SBSPON: variants seen among roughly 807,000 people sequenced by gnomAD.
The protein encoded by SBSPON is somatomedin-B and thrombospondin type-1 domain-containing protein.
A neutral mutation model predicts 35.8 loss-of-function variants in SBSPON; 30 were observed. That is an observed-to-expected ratio of 0.84 (90% CI 0.63 to 1.14). The LOEUF (loss-of-function observed/expected upper bound fraction) is 1.14, where lower values mean the gene tolerates loss of function less well. SBSPON is among the 50% of genes most tolerant of loss of function. The probability of loss-of-function intolerance (pLI) is 0.00; values close to 1 mark genes in which losing one functional copy is unlikely to be tolerated. For missense variants in SBSPON, 364 were observed against 357.7 expected, an observed-to-expected ratio of 1.02 and a Z score of -0.14; for synonymous variants, 136 against 135.9, an observed-to-expected ratio of 1.00 and a Z score of 0.00.
At chr8:73,090,238 CA>C (rs1172839497) in intron 1 of SBSPON, among the ~76,000 whole-genome samples, 1 of 152,188 alleles carries the variant, frequency 6.6e-6, no homozygotes, top group Non-Finnish European at 1.5e-5. Flanking sequence ...TCCAAAGTCA[CA>C]AAGCCAAACA....
At chr8:73,073,240 A>G (rs1810530987) in intron 2 of SBSPON, among the ~76,000 whole-genome samples, 2 of 152,164 alleles carry the variant, frequency 1.3e-5, no homozygotes, top group African/African-American at 4.8e-5. Flanking sequence ...CCGTTCCTAT[A>G]CTGAGCCTTG....
Position 73,067,405 on chromosome 8 carries a change from C to CAA in SBSPON, c.729_730dup (p.Trp244PhefsTer8). ...CTGGTCTACTCGCCGAACTTTTTTC[C>CAA]AAGTTCCTTGACACCGAGGATTACC... On this transcript the variant is annotated frameshift_variant, in exon 5 of 5. Coordinates refer to ENST00000297354, the MANE Select transcript of SBSPON (RefSeq NM_153225.4). LOFTEE classifies it high-confidence loss of function. 6.2e-7 allele frequency: 1 copy of CAA among 1,612,304 alleles called. No homozygotes were observed. Among genetic ancestry groups the CAA allele is most frequent in the African/African-American group, 1.3e-5 (1 of 74,656 alleles).
intron 2 of SBSPON, among the ~76,000 whole-genome samples, chr8:73,075,370 C>A (rs912601886): frequency 2.6e-5 from 4 of 152,154 alleles, no homozygotes; most frequent in Non-Finnish European, 5.9e-5. Context: ...TTAATACACC[C>A]CCCCCAAATT....
In SBSPON at chr8:73,067,195, C is replaced by A; in HGVS notation, c.*146G>T. ...AGGACCTGTGTTCCTTGAGAACTGG[C>A]CCCTAAATTTTCTTTCTCTACTTCA... On this transcript the variant is annotated 3_prime_UTR_variant, in exon 5 of 5. Transcript: ENST00000297354. 1 of 536,882 alleles carries A rather than the reference C, an allele frequency of 1.9e-6. No individual in the cohort carries two copies. Among genetic ancestry groups the A allele is most frequent in the South Asian group, 2.7e-5 (1 of 37,434 alleles). 33.3% of individuals were successfully genotyped at this position (536,882 alleles called of 1,614,324 possible).
At chr8:73,073,337 T>G (rs1016541996) in intron 2 of SBSPON, among the ~76,000 whole-genome samples, 1 of 152,226 alleles carries the variant, frequency 6.6e-6, no homozygotes, top group South Asian at 2.1e-4. Flanking sequence ...TATCAACTTA[T>G]GAGACGCCAA....
chr8:73,071,135 G>A (rs929894293), intron 3 of SBSPON, among the ~76,000 whole-genome samples: 3 of 152,142 alleles, frequency 2.0e-5, no homozygotes, highest in African/African-American at 7.2e-5. Context: ...GAGGTTACAG[G>A]TATGAGCAAC....
At chr8:73,079,100 T>G (rs1810648645) in intron 2 of SBSPON, among the ~76,000 whole-genome samples, 1 of 152,146 alleles carries the variant, frequency 6.6e-6, no homozygotes, top group Non-Finnish European at 1.5e-5. Flanking sequence ...CATGCAACTG[T>G]TTTTAAATAG....
chr8:73,072,053 G>A (rs904993849), intron 2 of SBSPON, among the ~76,000 whole-genome samples, 183 bp from the exon 3 acceptor site: 7 of 152,188 alleles, frequency 4.6e-5, no homozygotes, highest in East Asian at 1.9e-4. Context: ...CACACAGATC[G>A]GTAGGGAGGG....
Position 73,069,938 on chromosome 8 carries a change from C to A in SBSPON, c.544G>T (p.Ala182Ser). 6.2e-7 allele frequency: 1 copy of A among 1,610,026 alleles called. No homozygotes were observed. Among genetic ancestry groups the A allele is most frequent in the South Asian group, 1.1e-5 (1 of 90,580 alleles). Reference sequence around the variant, plus strand: ...CTAGTCAAGGGCCAGTTTTCCAGAGCACAGTGAGGAGTCAAGGACTCTGTC... The same window carrying A: ...CTAGTCAAGGGCCAGTTTTCCAGAGAACAGTGAGGAGTCAAGGACTCTGTC... ...FKTESLTPHC[A>S]LENWPLTRWM... The change falls in exon 4 of 5, where the codon GCT becomes TCT. Residue 182 changes from alanine (A) to serine (S), a missense_variant. Coordinates refer to ENST00000297354, the MANE Select transcript of SBSPON (RefSeq NM_153225.4).
intron 1 of SBSPON, chr8:73,085,871 C>T (rs778039277): frequency 7.9e-5 from 12 of 152,188 alleles, no homozygotes; most frequent in Non-Finnish European, 1.8e-4. Flanking sequence ...TGGTTAATCA[C>T]AGAGACTCAA....
chr8:73,080,463 C>T (rs1586095783), intron 2 of SBSPON, among the ~76,000 whole-genome samples: 2 of 151,946 alleles, frequency 1.3e-5, no homozygotes, highest in African/African-American at 4.8e-5. Context: ...TGCAGTGAGC[C>T]GAGATCATGC....
At chr8:73,083,237 G>C (rs963594025) in intron 1 of SBSPON, among the ~76,000 whole-genome samples, 1 of 152,088 alleles carries the variant, frequency 6.6e-6, no homozygotes, top group Non-Finnish European at 1.5e-5. Flanking sequence ...ACTATATCCT[G>C]TTTTTCCAAT....
rs1480985015 is a variant in SBSPON, at chr8:73,093,041, G to C, written c.27C>G (p.Cys9Trp). 3 of 1,379,408 alleles carry C rather than the reference G, an allele frequency of 2.2e-6. No homozygotes were observed. The South Asian group carries it at 5.4e-5, about 25-fold the overall frequency. 85.4% of individuals were successfully genotyped at this position (1,379,408 alleles called of 1,614,324 possible). The change falls in exon 1 of 5, where the codon TGC becomes TGG. Residue 9 changes from cysteine (C) to tryptophan (W), a missense_variant. Transcript: ENST00000297354. The part of the protein sequence containing the change: MRTLWMAL[C>W]ALSRLWPGAQ... ...CCCCGGGCCACAGCCGCGACAGCGC[G>C]CACAGCGCCATCCACAGGGTCCTCA...
chr8:73,075,695 G>T, intron 2 of SBSPON: 1 of 422,976 alleles, frequency 2.4e-6, no homozygotes, highest in Non-Finnish European at 3.2e-6. Context: ...ATTTCATAAC[G>T]CCCTCTGACA....
chr8:73,092,601 G>A (rs962125835), intron 1 of SBSPON, among the ~76,000 whole-genome samples: 2 of 152,234 alleles, frequency 1.3e-5, no homozygotes, highest in South Asian at 2.1e-4. Context: ...GGAGAACAGC[G>A]GGATCCAGCC....
chr8:73,071,345 A>G (rs1456739997), intron 3 of SBSPON, among the ~76,000 whole-genome samples: 1 of 152,194 alleles, frequency 6.6e-6, no homozygotes, highest in Non-Finnish European at 1.5e-5. Context: ...TGACAGCAGA[A>G]GAATGGATTT....
intron 1 of SBSPON, 59 bp downstream of exon 1, chr8:73,092,795 C>T: frequency 7.3e-7 from 1 of 1,364,200 alleles, no homozygotes; most frequent in Admixed American, 1.8e-5. Context: ...AGCGCCCTGC[C>T]CTGTGCCCGT....
chr8:73,073,609 C>T (rs190430373), intron 2 of SBSPON, among the ~76,000 whole-genome samples: 7 of 152,194 alleles, frequency 4.6e-5, no homozygotes, highest in Middle Eastern at 3.4e-3. Flanking sequence ...AGATCAAGAC[C>T]AGCCTGGCCA....
In SBSPON at chr8:73,069,922, G is replaced by A. The variant is rs751786710; in HGVS notation, c.560C>T (p.Pro187Leu). Residue 187 changes from proline to leucine, a missense_variant, in exon 4 of 5, where the codon CCC (proline) becomes CTC (leucine). Coordinates refer to ENST00000297354, the MANE Select transcript of SBSPON (RefSeq NM_153225.4). Reference sequence around the variant, plus strand: ...GAGATACTGCATCCATCTAGTCAAGGGCCAGTTTTCCAGAGCACAGTGAGG... The same window carrying A: ...GAGATACTGCATCCATCTAGTCAAGAGCCAGTTTTCCAGAGCACAGTGAGG... ...LTPHCALENW[P>L]LTRWMQYLRE... is the part of the protein sequence containing the mutation. 5 of 1,612,252 alleles carry A rather than the reference G, an allele frequency of 3.1e-6. No individual in the cohort carries two copies. In the South Asian group the frequency reaches 5.5e-5, roughly 18 times the overall value.
Sources: allele counts gnomAD v4.1 joint callset (sites outside exome capture counted in the v4.1 genomes callset), GRCh38; gene constraint gnomAD v4.1.1; transcripts MANE v1.5; gene names NCBI Gene and HGNC (gene_info 2026-07-23, HGNC 2026-07-21).